Variants in WDR88 observed in about 807,000 individuals in gnomAD.
WDR88 encodes the protein WD repeat-containing protein 88.
In WDR88, 40 loss-of-function variants were observed where a neutral mutation model predicts 46.8. The ratio of observed to expected loss-of-function variants is 0.86; its 90% CI spans 0.66 to 1.11. The LOEUF is 1.11. Ranked by LOEUF, WDR88 falls within the 50% of genes most tolerant of loss-of-function variation. The pLI, the probability that WDR88 is intolerant of heterozygous loss-of-function variation, is 0.00. For synonymous variants in WDR88, 235 were observed against 240.7 expected (o/e 0.98, Z 0.22); for missense variants, 562 against 602.4 (o/e 0.93, Z 0.70).
chr19:33,151,432 T>C, intron 6 of WDR88, 122 bp downstream of exon 6: 2 of 1,279,680 alleles, frequency 1.6e-6, no homozygotes, highest in Non-Finnish European at 2.1e-6. Flanking sequence ...ATAGGTGCTC[T>C]GAGGAGGCTG....
At position 33,158,892 on chromosome 19, in the gene WDR88, G is replaced by C. The variant is rs1037016337; in HGVS notation, c.998-1522G>C. On this transcript the variant is annotated intron_variant, in intron 7 of 10. Transcript: ENST00000355868. ...TTTTTGTATTTTTGGTAGAGATGGG[G>C]TTTCGCCATGTTGTCCAGGCTGGTC... 2.0e-5 allele frequency among the ~76,000 whole-genome samples: 3 copies of C among 152,042 alleles called. No homozygotes were observed. In the South Asian group the frequency reaches 6.2e-4, roughly 32 times the overall value.
At chr19:33,139,890 G>T (rs996510246) in intron 2 of WDR88, among the ~76,000 whole-genome samples, 1 of 152,092 alleles carries the variant, frequency 6.6e-6, no homozygotes, top group African/African-American at 2.4e-5. Flanking sequence ...GTTTGTGGTG[G>T]ACCCCACGTT....
intron 10 of WDR88, 114 bp from the exon 11 acceptor site, chr19:33,175,282 G>A (rs1452129088): frequency 2.7e-6 from 3 of 1,124,440 alleles, no homozygotes; most frequent in East Asian, 4.8e-5. Context: ...AGATTCCAGA[G>A]AGGGGAACCC....
chr19:33,145,127 G>A (rs1408702062), intron 3 of WDR88, among the ~76,000 whole-genome samples, 195 bp downstream of exon 3: 1 of 152,174 alleles, frequency 6.6e-6, no homozygotes, highest in Admixed American at 6.6e-5. Flanking sequence ...TGACATTACA[G>A]GCATGAGCCA....
chr19:33,151,477 G>A (rs1391003279), intron 6 of WDR88, among the ~76,000 whole-genome samples, 167 bp downstream of exon 6: 1 of 151,126 alleles, frequency 6.6e-6, no homozygotes, highest in African/African-American at 2.5e-5. Flanking sequence ...ATCAGCTGTG[G>A]CCTGTGGGCT....
At chr19:33,152,729 G>A (rs1973659704) in intron 6 of WDR88, among the ~76,000 whole-genome samples, 1 of 151,992 alleles carries the variant, frequency 6.6e-6, no homozygotes, top group African/African-American at 2.4e-5. Flanking sequence ...AGCCTCCTGA[G>A]TAGCTGGGAT....
chr19:33,174,360 A>C, intron 10 of WDR88: 1 of 1,438,304 alleles, frequency 7.0e-7, no homozygotes, highest in East Asian at 2.5e-5. Flanking sequence ...AGCAAAGCCC[A>C]GGGGCTGGGA....
intron 10 of WDR88, among the ~76,000 whole-genome samples, chr19:33,173,158 CAGAG>C (rs10587387): frequency 0.16 from 24,013 of 145,694 alleles, 2,589 homozygotes; most frequent in East Asian, 0.28. Context: ...ACAGCCAATG[CAGAG>C]AGAGCCTGAG....
chr19:33,161,029 C>T (rs1973856488), intron 8 of WDR88, among the ~76,000 whole-genome samples: 1 of 151,754 alleles, frequency 6.6e-6, no homozygotes, highest in African/African-American at 2.4e-5. Flanking sequence ...AAAAATCAGC[C>T]GGGTGTGGTG....
intron 8 of WDR88, among the ~76,000 whole-genome samples, chr19:33,161,604 G>T (rs1973868218): frequency 6.6e-6 from 1 of 152,168 alleles, no homozygotes; most frequent in African/African-American, 2.4e-5. Context: ...GACTTGGGGA[G>T]ACAAAGCGAG....
rs1173664875 is a variant in WDR88, at chr19:33,157,687, GTATATA to G, written c.997+1190_997+1195del. Among the ~76,000 whole-genome samples, 28 of 3,384 alleles carry G rather than the reference GTATATA, an allele frequency of 8.3e-3. 1 individual carries two copies. The highest frequency in any genetic ancestry group is 0.036 in the East Asian group (17 of 466). 2.2% of individuals were successfully genotyped at this position (3,384 alleles called of 152,430 possible). On this transcript the variant is annotated intron_variant, in intron 7 of 10. Transcript: ENST00000355868. ...TATGTATGTGTGTGTGTGTATGTAT[GTATATA>G]TATATATATATATATATATATATAT... is the stretch of plus-strand genomic sequence containing the variant.
intron 10 of WDR88, among the ~76,000 whole-genome samples, chr19:33,175,128 G>A (rs532856170): frequency 4.6e-5 from 7 of 152,258 alleles, no homozygotes; most frequent in Admixed American, 4.6e-4. Flanking sequence ...CCAGCTACTC[G>A]GGTGGCTGAG....
intron 1 of WDR88, among the ~76,000 whole-genome samples, chr19:33,137,318 A>G (rs963713704): frequency 2.0e-5 from 3 of 150,132 alleles, no homozygotes; most frequent in African/African-American, 7.4e-5. Context: ...CAGTGGTGCA[A>G]TCTTGGCTCA....
intron 3 of WDR88, among the ~76,000 whole-genome samples, chr19:33,146,035 A>G (rs1973505743): frequency 6.6e-6 from 1 of 152,054 alleles, no homozygotes. Context: ...TCCCTTTAGG[A>G]GAGGAAAACA....
At chr19:33,166,223 A>T (rs959429429) in intron 9 of WDR88, among the ~76,000 whole-genome samples, 1 of 128,570 alleles carries the variant, frequency 7.8e-6, no homozygotes, top group Non-Finnish European at 1.6e-5. Context: ...GGCTGCAGTG[A>T]GTCATGATGG....
intron 8 of WDR88, 24 bp downstream of exon 8, chr19:33,160,520 G>A (rs367685946): frequency 6.2e-7 from 1 of 1,613,378 alleles, no homozygotes. Context: ...GCATGAGATT[G>A]AGGATCTGAA....
chr19:33,174,383 G>A, intron 10 of WDR88: 1 of 1,417,426 alleles, frequency 7.1e-7, no homozygotes. Flanking sequence ...GCCAGGGCAG[G>A]GGCGCGGCCA....
At chr19:33,144,017 C>T (rs1429813690) in intron 2 of WDR88, among the ~76,000 whole-genome samples, 1 of 152,120 alleles carries the variant, frequency 6.6e-6, no homozygotes, top group African/African-American at 2.4e-5. Context: ...CTTCTAAATG[C>T]CCAGTGTGGA....
intron 8 of WDR88, among the ~76,000 whole-genome samples, chr19:33,161,271 T>A (rs181786900): frequency 2.6e-4 from 39 of 152,214 alleles, no homozygotes; most frequent in African/African-American, 9.1e-4. Context: ...AAAATGGGGA[T>A]GTCAACTGAA....
Sources: gnomAD v4.1 joint callset for allele counts (sites outside exome capture counted in the v4.1 genomes callset) on GRCh38, gnomAD v4.1.1 for gene constraint, MANE v1.5 for transcripts, NCBI Gene and HGNC (gene_info 2026-07-23, HGNC 2026-07-21) for gene names.